Variants in KIAA0825 observed in about 807,000 individuals in gnomAD.
The protein encoded by KIAA0825 is uncharacterized protein KIAA0825.
In KIAA0825, 119 loss-of-function variants were observed where a neutral mutation model predicts 147.6. The observed-to-expected ratio is 0.81, with a 90% CI of 0.69 to 0.94. KIAA0825 has a LOEUF of 0.94. KIAA0825 is among the 40% of genes least tolerant of loss of function. KIAA0825 has a pLI of 0.00. For synonymous variants in KIAA0825, 470 were observed against 518.1 expected, an observed-to-expected ratio of 0.91 and a Z score of 1.26; for missense variants, 1,381 against 1,472.7, an observed-to-expected ratio of 0.94 and a Z score of 1.02.
intron 15 of KIAA0825, among the ~76,000 whole-genome samples, chr5:94,411,535 C>T (rs1365538491): frequency 3.9e-5 from 6 of 152,032 alleles, no homozygotes; most frequent in African/African-American, 1.4e-4. Flanking sequence ...CACAAAAATC[C>T]ATCATAGAAC....
intron 20 of KIAA0825, among the ~76,000 whole-genome samples, chr5:94,256,345 G>C (rs530488740): frequency 6.6e-6 from 1 of 152,188 alleles, no homozygotes; most frequent in South Asian, 2.1e-4. Context: ...AGCCTTCTGA[G>C]CTCTATGGGC....
At chr5:94,307,062 A>G (rs144664301) in intron 20 of KIAA0825, among the ~76,000 whole-genome samples, 1 of 151,928 alleles carries the variant, frequency 6.6e-6, no homozygotes, top group East Asian at 1.9e-4. Context: ...AAATAATGTA[A>G]TATGATATCT....
intron 20 of KIAA0825, among the ~76,000 whole-genome samples, chr5:94,278,711 A>G (rs1331003430): frequency 6.6e-6 from 1 of 152,120 alleles, no homozygotes; most frequent in African/African-American, 2.4e-5. Flanking sequence ...ATCCTGAATG[A>G]TCACTACTTC....
chr5:94,378,490 T>C (rs1260348379), intron 20 of KIAA0825, among the ~76,000 whole-genome samples: 5 of 152,190 alleles, frequency 3.3e-5, no homozygotes, highest in Non-Finnish European at 5.9e-5. Flanking sequence ...CACATTTTCT[T>C]TATGCAGTCT....
intron 20 of KIAA0825, among the ~76,000 whole-genome samples, chr5:94,329,387 G>A (rs1169591297): frequency 6.6e-6 from 1 of 152,038 alleles, no homozygotes; most frequent in Non-Finnish European, 1.5e-5. Context: ...AGATTGAAAG[G>A]ACATAGCATT....
chr5:94,573,960 A>C (rs1198009580), intron 2 of KIAA0825, among the ~76,000 whole-genome samples: 3 of 152,228 alleles, frequency 2.0e-5, no homozygotes, highest in Non-Finnish European at 4.4e-5. Flanking sequence ...GATAAAAAAA[A>C]ATCAGACCTT....
chr5:94,328,776 G>A (rs1780965531), intron 20 of KIAA0825, among the ~76,000 whole-genome samples: 1 of 151,708 alleles, frequency 6.6e-6, no homozygotes, highest in Non-Finnish European at 1.5e-5. Flanking sequence ...AACTGCAGAT[G>A]TTCCTTTGCA....
At chr5:94,364,395 T>C (rs1031818581) in intron 20 of KIAA0825, among the ~76,000 whole-genome samples, 1 of 151,906 alleles carries the variant, frequency 6.6e-6, no homozygotes, top group Non-Finnish European at 1.5e-5. Context: ...TTTTCTTTTT[T>C]TTTTGAGATG....
chr5:94,392,472 T>C (rs1750026569), intron 17 of KIAA0825, among the ~76,000 whole-genome samples: 1 of 152,224 alleles, frequency 6.6e-6, no homozygotes, highest in Non-Finnish European at 1.5e-5. Flanking sequence ...ACAAAAAGAA[T>C]TTAAACATTT....
At chr5:94,229,920 C>CT (rs1029013617) in intron 20 of KIAA0825, among the ~76,000 whole-genome samples, 3 of 151,820 alleles carry the variant, frequency 2.0e-5, no homozygotes, top group Admixed American at 6.6e-5. Context: ...CCTATGGGTT[C>CT]TTTTTTTTCT....
intron 20 of KIAA0825, among the ~76,000 whole-genome samples, chr5:94,288,769 C>T (rs1399867053): frequency 6.6e-6 from 1 of 152,142 alleles, no homozygotes; most frequent in African/African-American, 2.4e-5. Flanking sequence ...AACAACGTGC[C>T]AATTCTGTGA....
At chr5:94,417,410 A>G (rs1490518992) in intron 14 of KIAA0825, 45 bp from the exon 15 acceptor site, 8 of 1,459,966 alleles carry the variant, frequency 5.5e-6, no homozygotes, top group African/African-American at 4.2e-5. Context: ...ATTTAGTAAG[A>G]TATCAGTGAA....
At chr5:94,476,775 T>C (rs931450515) in intron 7 of KIAA0825, among the ~76,000 whole-genome samples, 1 of 152,066 alleles carries the variant, frequency 6.6e-6, no homozygotes, top group Admixed American at 6.5e-5. Flanking sequence ...GTTGAGATGA[T>C]TGTTTCCTTT....
At chr5:94,281,334 A>T (rs1461235835) in intron 20 of KIAA0825, among the ~76,000 whole-genome samples, 1 of 152,046 alleles carries the variant, frequency 6.6e-6, no homozygotes, top group Non-Finnish European at 1.5e-5. Flanking sequence ...TACAAAAAAA[A>T]ATTTCCTCCA....
chr5:94,595,011 C>G (rs1340083897), intron 1 of KIAA0825, among the ~76,000 whole-genome samples: 2 of 152,136 alleles, frequency 1.3e-5, no homozygotes, highest in East Asian at 3.9e-4. Context: ...GGGTATAGTC[C>G]CCCTCCTGGC....
chr5:94,606,726 C>T (rs528465957), intron 1 of KIAA0825, among the ~76,000 whole-genome samples: 36 of 152,276 alleles, frequency 2.4e-4, no homozygotes, highest in Non-Finnish European at 3.7e-4. Flanking sequence ...TATTCAGCAT[C>T]TAAAGGGACT....
Position 94,452,868 on chromosome 5 carries a change from TAA to T in KIAA0825, c.2357+89_2357+90del, listed in dbSNP as rs773548602. 9.6e-6 allele frequency: 6 copies of T among 625,850 alleles called. No homozygotes were observed. The Admixed American group carries it at 1.7e-4, about 17-fold the overall frequency. The allele number at this position is 625,850 out of a possible 1,614,324, so 38.8% of individuals were successfully genotyped here. ...AGTCGTAAGTTCTTTTTGTAAGATA[TAA>T]GTTCGTTTACATCCATTGATAAAAA... On this transcript the variant is annotated intron_variant, in intron 13 of 20. Transcript: ENST00000682413.
At chr5:94,165,818 G>A (rs777797692) in intron 20 of KIAA0825, among the ~76,000 whole-genome samples, 14 of 152,284 alleles carry the variant, frequency 9.2e-5, no homozygotes, top group Middle Eastern at 3.4e-3. Context: ...TTGAACTCAT[G>A]GACATAGAGA....
intron 1 of KIAA0825, among the ~76,000 whole-genome samples, chr5:94,614,079 T>C (rs992057517): frequency 2.0e-5 from 3 of 152,150 alleles, no homozygotes; most frequent in African/African-American, 4.8e-5. Flanking sequence ...GTTTAAAAGT[T>C]ATAACATATT....
Sources: allele counts gnomAD v4.1 joint callset (sites outside exome capture counted in the v4.1 genomes callset), GRCh38; gene constraint gnomAD v4.1.1; transcripts MANE v1.5; gene names NCBI Gene and HGNC (gene_info 2026-07-23, HGNC 2026-07-21).